Variants in PBRM1 observed in about 807,000 individuals in gnomAD.
PBRM1 encodes the protein protein polybromo-1.
A neutral mutation model predicts 194.5 loss-of-function variants in PBRM1; 27 were observed. That is an observed-to-expected ratio of 0.14 (90% CI 0.10 to 0.19). PBRM1 has a LOEUF of 0.19. PBRM1 is among the 10% of genes least tolerant of loss of function. PBRM1 has a pLI of 1.00. For missense variants in PBRM1, 1,466 were observed against 2,077.2 expected (o/e 0.71, Z 5.72); for synonymous variants, 655 against 693.2 (o/e 0.94, Z 0.87).
intron 7 of PBRM1, among the ~76,000 whole-genome samples, chr3:52,645,506 C>CA (rs1015239435): frequency 1.4e-5 from 2 of 138,148 alleles, no homozygotes; most frequent in African/African-American, 5.3e-5. Flanking sequence ...CTCAGCATAC[C>CA]TTTTTTTTTT....
At chr3:52,649,721 C>T (rs1261923771) in intron 6 of PBRM1, among the ~76,000 whole-genome samples, 1 of 152,138 alleles carries the variant, frequency 6.6e-6, no homozygotes, top group African/African-American at 2.4e-5. Flanking sequence ...AGTCTCTGAG[C>T]ACGGGACTGG....
At chr3:52,624,573 A>G (rs2095383718) in intron 13 of PBRM1, among the ~76,000 whole-genome samples, 1 of 152,228 alleles carries the variant, frequency 6.6e-6, no homozygotes, top group Admixed American at 6.5e-5. Flanking sequence ...AAAGGGAATC[A>G]GCACCTGCCA....
intron 13 of PBRM1, among the ~76,000 whole-genome samples, chr3:52,624,197 C>T (rs912223501): frequency 6.6e-6 from 1 of 152,200 alleles, no homozygotes; most frequent in Admixed American, 6.5e-5. Flanking sequence ...CATTTGTTTT[C>T]AACCTGCCTC....
chr3:52,632,730 C>T (rs145779149), intron 11 of PBRM1, among the ~76,000 whole-genome samples: 114 of 150,710 alleles, frequency 7.6e-4, no homozygotes, highest in Middle Eastern at 3.4e-3. Context: ...ACTCTGTCAC[C>T]CAGGCTGGAG....
chr3:52,683,067 G>T (rs1477503854), upstream of PBRM1, among the ~76,000 whole-genome samples: 1 of 152,096 alleles, frequency 6.6e-6, no homozygotes, highest in African/African-American at 2.4e-5. Flanking sequence ...GCTGGGCTTG[G>T]TGGCACGCAC....
intron 19 of PBRM1, among the ~76,000 whole-genome samples, chr3:52,587,072 A>C (rs1324806199): frequency 1.2e-4 from 18 of 152,192 alleles, no homozygotes. Context: ...GAAAATTTGT[A>C]ATGATTATCC....
intron 15 of PBRM1, among the ~76,000 whole-genome samples, chr3:52,615,071 G>A (rs545970267): frequency 7.9e-5 from 12 of 152,140 alleles, no homozygotes; most frequent in African/African-American, 2.4e-4. Flanking sequence ...AGCATTATAC[G>A]TACAGAAAAA....
chr3:52,647,493 G>A (rs1168916828), intron 7 of PBRM1, among the ~76,000 whole-genome samples: 1 of 96,010 alleles, frequency 1.0e-5, no homozygotes, highest in East Asian at 3.3e-4. Flanking sequence ...TATATATGTA[G>A]TATTTATATG....
At chr3:52,550,367 G>T in intron 29 of PBRM1, 54 bp downstream of exon 31, 1 of 914,996 alleles carries the variant, frequency 1.1e-6, no homozygotes, top group Non-Finnish European at 1.6e-6. Flanking sequence ...ACAGCAGTAA[G>T]ACAGCTTTGA....
At chr3:52,563,916 G>C in intron 23 of PBRM1, 134 bp downstream of exon 25, 1 of 626,024 alleles carries the variant, frequency 1.6e-6, no homozygotes, top group Non-Finnish European at 2.7e-6. Context: ...ATCTTTAAGT[G>C]AATAAATATT....
chr3:52,653,369 C>T (rs2096545782), intron 5 of PBRM1, among the ~76,000 whole-genome samples: 1 of 152,016 alleles, frequency 6.6e-6, no homozygotes, highest in Non-Finnish European at 1.5e-5. Flanking sequence ...GTGGGTGGAT[C>T]ACCTGAAGTC....
chr3:52,579,248 T>C (rs148333838), intron 20 of PBRM1, 49 bp from the exon 23 acceptor site: 6 of 1,538,444 alleles, frequency 3.9e-6, no homozygotes, highest in Non-Finnish European at 3.6e-6. Flanking sequence ...AATCAAGGAA[T>C]AGAGAAGGTA....
rs1443899417 is a variant in PBRM1, at chr3:52,676,131, A to T, written c.236+2369T>A. On this transcript the variant is annotated intron_variant, in intron 2 of 29. Coordinates refer to ENST00000296302, the Ensembl canonical transcript of PBRM1. ...CTCCGTCTCAAAAAAAAAAAAAAAA[A>T]AAAAAAAAAAAAAAAAAAAAATAAT... is the stretch of plus-strand genomic sequence containing the variant. Among the ~76,000 whole-genome samples, 12 of 31,774 alleles carry T rather than the reference A, an allele frequency of 3.8e-4. 4 individuals are homozygous for T. The highest frequency in any genetic ancestry group is 6.6e-4 in the African/African-American group (4 of 6,042). The allele number at this position is 31,774 out of a possible 152,430, so 20.8% of individuals were successfully genotyped here.
chr3:52,616,332 G>A (rs10510760), intron 14 of PBRM1, among the ~76,000 whole-genome samples: 41,036 of 152,106 alleles, frequency 0.27, 6,940 homozygotes, highest in East Asian at 0.43. Flanking sequence ...TGGATAAAAA[G>A]ATATCAAATA....
intron 5 of PBRM1, among the ~76,000 whole-genome samples, chr3:52,654,436 C>T (rs2096569506): frequency 6.6e-6 from 1 of 152,166 alleles, no homozygotes; most frequent in Non-Finnish European, 1.5e-5. Flanking sequence ...AATTCAAAGT[C>T]ATCCAATCCC....
At position 52,609,691 on chromosome 3, in the gene PBRM1, A is replaced by G. The variant is rs764372541; in HGVS notation, c.2189T>C (p.Met730Thr). ...GTATGTACAGGCATTATTAAACATC[A>G]TGACAAAGTCCTCAACCATAGAGTC... Residue 730 changes from methionine to threonine, a missense_variant, in exon 16 of 30, where the codon ATG becomes ACG. Around this residue, in one of 5 missense-constraint regions of PBRM1, gnomAD observed 687 missense variants for 946.2 expected, o/e 0.73. Coordinates refer to ENST00000296302, the Ensembl canonical transcript of PBRM1. This position sits in a 1 kb window ranked among gnomAD's most constrained non-coding sequence, Gnocchi z 4.1. The G allele has an allele frequency of 9.3e-6, 15 of 1,613,452 alleles. No individual in the cohort carries two copies. Among genetic ancestry groups the G allele is most frequent in the Admixed American group, 3.3e-5 (2 of 59,850 alleles).
chr3:52,648,591 T>C, intron 6 of PBRM1, 149 bp from the exon 8 acceptor site: 1 of 438,642 alleles, frequency 2.3e-6, no homozygotes, highest in Non-Finnish European at 4.0e-6. Context: ...TAAAGTCATT[T>C]TCTTTTTTAT....
chr3:52,610,023 A>G (rs543897897), intron 15 of PBRM1, 68 bp from the exon 18 acceptor site: 4 of 964,984 alleles, frequency 4.1e-6, no homozygotes, highest in Non-Finnish European at 6.0e-6. Flanking sequence ...AGATGGTAGC[A>G]TAACCACAAG....
At chr3:52,595,050 T>C (rs560604924) in intron 17 of PBRM1, among the ~76,000 whole-genome samples, 2 of 152,242 alleles carry the variant, frequency 1.3e-5, no homozygotes, top group Admixed American at 6.5e-5. Context: ...GTGAAGTATT[T>C]TGTGGGGATT....
Sources: gnomAD v4.1 joint callset for allele counts (sites outside exome capture counted in the v4.1 genomes callset) on GRCh38, gnomAD v4.1.1 for gene constraint, gnomAD v4.1.1 regional missense constraint, Gnocchi (gnomAD v3.1) non-coding constraint, MANE v1.5 for transcripts, NCBI Gene and HGNC (gene_info 2026-07-23, HGNC 2026-07-21) for gene names.